Variants in BUD31 observed in about 807,000 individuals in gnomAD.
The protein encoded by BUD31 is protein BUD31 homolog.
Under a neutral mutation model 17.9 loss-of-function variants are expected in BUD31, and 9 were observed. That is an observed-to-expected ratio of 0.50 (90% CI 0.30 to 0.88). The LOEUF (loss-of-function observed/expected upper bound fraction) is 0.88. BUD31 is among the 40% of genes least tolerant of loss of function. The pLI, the probability that BUD31 is intolerant of heterozygous loss-of-function variation, is 0.06. For missense variants in BUD31, 148 were observed against 184.5 expected (o/e 0.80, Z 1.15); for synonymous variants, 70 against 64.7 (o/e 1.08, Z -0.39).
intron 5 of BUD31, 48 bp from the exon 6 acceptor site, chr7:99,419,343 G>A: frequency 1.2e-6 from 2 of 1,606,052 alleles, no homozygotes; most frequent in Non-Finnish European, 1.7e-6. Flanking sequence ...AGTGTGCAGG[G>A]GCGAGCGTGG....
chr7:99,413,871 C>T (rs1009547592), intron 3 of BUD31, among the ~76,000 whole-genome samples: 4 of 152,178 alleles, frequency 2.6e-5, no homozygotes, highest in Non-Finnish European at 5.9e-5. Context: ...GGATTACAGG[C>T]GTGAGCCACT....
intron 3 of BUD31, among the ~76,000 whole-genome samples, chr7:99,415,575 TC>T (rs1230171971): frequency 6.6e-6 from 1 of 151,708 alleles, no homozygotes; most frequent in African/African-American, 2.4e-5. Flanking sequence ...TTCTCTAAAC[TC>T]CCCCGGGGAA....
intron 5 of BUD31, chr7:99,418,291 TTC>T (rs1795621464): frequency 6.1e-6 from 1 of 162,624 alleles, no homozygotes; most frequent in South Asian, 1.6e-4. Context: ...TTTCAGAACT[TTC>T]TGTTCCAAGT....
At chr7:99,419,169 T>C in intron 5 of BUD31, 1 of 581,334 alleles carries the variant, frequency 1.7e-6, no homozygotes, top group East Asian at 2.8e-5. Context: ...CAGAACATAT[T>C]ATAAATAGAC....
intron 3 of BUD31, among the ~76,000 whole-genome samples, chr7:99,413,458 A>G (rs1201561307): frequency 6.6e-6 from 1 of 152,164 alleles, no homozygotes; most frequent in Non-Finnish European, 1.5e-5. Context: ...TGGCTGGGAG[A>G]TGAAATTAGA....
chr7:99,416,815 G>T (rs1157009636), intron 4 of BUD31: 1 of 156,312 alleles, frequency 6.4e-6, no homozygotes, highest in Non-Finnish European at 1.4e-5. Flanking sequence ...CAACCTTCTG[G>T]GCTCAAGGGA....
At chr7:99,411,011 C>A in intron 2 of BUD31, 53 bp from the exon 3 acceptor site, 1 of 1,224,514 alleles carries the variant, frequency 8.2e-7, no homozygotes, top group Non-Finnish European at 1.2e-6. Flanking sequence ...TAATGGCTGG[C>A]AAAGGCCTTT....
chr7:99,410,690 C>T (rs924901056), intron 2 of BUD31, among the ~76,000 whole-genome samples: 4 of 152,082 alleles, frequency 2.6e-5, no homozygotes, highest in African/African-American at 4.8e-5. Flanking sequence ...TTCTGTGTTC[C>T]CAACATCCAG....
In BUD31 at chr7:99,419,318, G is replaced by A. The variant is rs1257878942; in HGVS notation, c.385-73G>A. The A allele has an allele frequency of 2.7e-5, 42 of 1,561,584 alleles. 1 individual carries two copies. The Admixed American group carries it at 6.7e-4, about 25-fold the overall frequency. On this transcript the variant is annotated intron_variant, in intron 5 of 5. Transcript: ENST00000222969. ...ATGGTGGCAGGTCCTTCGTGGGAGG[G>A]TTGCCACATATGTGAGTGTGCAGGG...
intron 3 of BUD31, chr7:99,411,600 C>A: frequency 2.4e-6 from 1 of 418,670 alleles, no homozygotes; most frequent in South Asian, 1.7e-5. Context: ...GCGTGTGATC[C>A]TGCTTTGTGA....
chr7:99,416,404 TTG>T (rs551876304), intron 4 of BUD31, 144 bp downstream of exon 4: 7 of 1,054,110 alleles, frequency 6.6e-6, no homozygotes, highest in Non-Finnish European at 8.1e-6. Flanking sequence ...TGGCTGAGTT[TTG>T]TGTGTGTGTT....
chr7:99,412,778 ATT>A (rs36101411), intron 3 of BUD31, among the ~76,000 whole-genome samples: 10 of 138,390 alleles, frequency 7.2e-5, no homozygotes, highest in Admixed American at 2.2e-4. Flanking sequence ...TGCCCAGCTA[ATT>A]TTTTTTTTTT....
chr7:99,411,290 A>C (rs1584430253), intron 3 of BUD31, 104 bp downstream of exon 3: 1 of 783,478 alleles, frequency 1.3e-6, no homozygotes, highest in Non-Finnish European at 2.1e-6. Flanking sequence ...AGAGTGGTCT[A>C]CTAACACTGA....
intron 5 of BUD31, chr7:99,418,701 A>G (rs1004387): frequency 0.014 from 2,060 of 152,534 alleles, 22 homozygotes; most frequent in Non-Finnish European, 0.019. Context: ...GAGTGCCCAG[A>G]TTCCACAAGG....
At chr7:99,418,004 G>A in intron 5 of BUD31, 1 of 1,162,308 alleles carries the variant, frequency 8.6e-7, no homozygotes, top group Non-Finnish European at 1.1e-6. Context: ...GTCTTGCTTT[G>A]TCGCCCAGGC....
Position 99,416,199 on chromosome 7 carries a change from C to T in BUD31, c.156C>T (p.Ile52=). The T allele has an allele frequency of 6.2e-7, 1 of 1,613,996 alleles. No homozygotes were observed. Among genetic ancestry groups the T allele is most frequent in the Non-Finnish European group, 8.5e-7 (1 of 1,179,940 alleles). The change falls in exon 4 of 6, where the codon ATC becomes ATT. Residue 52 remains isoleucine (I), a synonymous_variant. Coordinates refer to ENST00000222969, the MANE Select transcript of BUD31 (RefSeq NM_003910.4). ...KVESLWPIFR[I]HHQKTRYIFD... ...AATCTCTGTGGCCCATCTTCAGGAT[C>T]CACCACCAGAAAACCCGCTACATCT...
intron 4 of BUD31, 161 bp downstream of exon 4, chr7:99,416,421 T>TTTTG (rs970596103): frequency 3.4e-6 from 3 of 890,408 alleles, no homozygotes; most frequent in Non-Finnish European, 4.9e-6. Flanking sequence ...TGTGTTTGTT[T>TTTTG]TTTGTTTGTT....
intron 5 of BUD31, 56 bp from the exon 6 acceptor site, chr7:99,419,335 T>TGTGCAGGGGCGAGCGTG: frequency 6.3e-7 from 1 of 1,597,254 alleles, no homozygotes; most frequent in Non-Finnish European, 8.6e-7. Flanking sequence ...CATATGTGAG[T>TGTGCAGGGGCGAGCGTG]GTGCAGGGGC....
intron 5 of BUD31, chr7:99,418,828 G>C (rs1033736158): frequency 6.5e-6 from 1 of 153,716 alleles, no homozygotes; most frequent in Non-Finnish European, 1.4e-5. Context: ...CTATGGTCTT[G>C]TTCTTCCAAA....
Sources: allele counts gnomAD v4.1 joint callset (sites outside exome capture counted in the v4.1 genomes callset), GRCh38; gene constraint gnomAD v4.1.1; transcripts MANE v1.5; gene names NCBI Gene and HGNC (gene_info 2026-07-23, HGNC 2026-07-21).